Variants in EYS observed in about 807,000 individuals in gnomAD.
The protein encoded by EYS is protein eyes shut homolog.
A neutral mutation model predicts 282.1 loss-of-function variants in EYS; 250 were observed. That is an observed-to-expected ratio of 0.89 (90% confidence interval 0.80 to 0.98). EYS has a LOEUF of 0.98. Among genes scored for constraint, EYS ranks in the 50% least tolerant of loss-of-function variants. The pLI is 0.00. For missense variants in EYS, 4,016 were observed against 3,709.0 expected (o/e 1.08, Z -2.15); for synonymous variants, 1,355 against 1,282.9 (o/e 1.06, Z -1.20).
intron 10 of EYS, among the ~76,000 whole-genome samples, chr6:65,337,500 C>T (rs553129424): frequency 6.6e-6 from 1 of 151,164 alleles, no homozygotes; most frequent in African/African-American, 2.4e-5. Flanking sequence ...TTTTATGACA[C>T]TACTTTATTT....
chr6:64,998,859 A>G (rs1464795810), intron 13 of EYS, among the ~76,000 whole-genome samples: 1 of 152,254 alleles, frequency 6.6e-6, no homozygotes, highest in Non-Finnish European at 1.5e-5. Context: ...TCATAACAAT[A>G]TTTAAAATTA....
chr6:64,672,899 A>G (rs62418017), intron 22 of EYS, among the ~76,000 whole-genome samples: 16,064 of 152,216 alleles, frequency 0.11, 1,002 homozygotes, highest in East Asian at 0.16. Context: ...GGGAAATGAA[A>G]TATTGCCAGC....
In EYS at chr6:65,677,116, A is replaced by T. The variant is rs1464761972; in HGVS notation, c.-448+30019T>A. ...TCACAGTCATTGGTGAAAAAAAAAA[A>T]AAAAAAAAAAAGAAAGAAAGCTTTT... On this transcript the variant is annotated intron_variant, in intron 1 of 42. Coordinates refer to ENST00000503581, the MANE Select transcript of EYS (RefSeq NM_001142800.2). 4.9e-3 allele frequency among the ~76,000 whole-genome samples: 731 copies of T among 150,320 alleles called. 5 individuals carry two copies. The highest frequency in any genetic ancestry group is 0.017 in the African/African-American group (690 of 41,326).
chr6:64,948,545 TA>T (rs1177209273), intron 14 of EYS, among the ~76,000 whole-genome samples: 1 of 142,460 alleles, frequency 7.0e-6, no homozygotes, highest in East Asian at 2.0e-4. Flanking sequence ...AACTGAAATA[TA>T]ATTAATATTA....
intron 22 of EYS, among the ~76,000 whole-genome samples, chr6:64,692,580 T>C (rs1770428301): frequency 6.6e-6 from 1 of 152,178 alleles, no homozygotes. Context: ...TAGGTTGTCT[T>C]CCAGGATTTT....
intron 2 of EYS, among the ~76,000 whole-genome samples, chr6:65,559,943 T>C (rs1768973462): frequency 6.6e-6 from 1 of 151,298 alleles, no homozygotes; most frequent in East Asian, 2.0e-4. Flanking sequence ...TTACTTAAAA[T>C]ACTTTCTAGT....
chr6:64,559,396 G>A (rs889021655), intron 26 of EYS, among the ~76,000 whole-genome samples: 1 of 151,094 alleles, frequency 6.6e-6, no homozygotes, highest in Admixed American at 6.6e-5. Context: ...TCGTCTCAAG[G>A]GATCCTTCCA....
chr6:65,019,960 ATGAGAAC>A (rs1772196455), intron 13 of EYS, among the ~76,000 whole-genome samples: 1 of 152,176 alleles, frequency 6.6e-6, no homozygotes, highest in African/African-American at 2.4e-5. Flanking sequence ...ATCAGATCTT[ATGAGAAC>A]TCAGTCACTA....
chr6:64,332,620 T>A (rs906269093), intron 29 of EYS, among the ~76,000 whole-genome samples: 1 of 152,114 alleles, frequency 6.6e-6, no homozygotes, highest in Admixed American at 6.6e-5. Flanking sequence ...CCAGACCACC[T>A]GACACGGCTG....
At chr6:65,600,679 G>A (rs748656031) in intron 2 of EYS, among the ~76,000 whole-genome samples, 1 of 151,942 alleles carries the variant, frequency 6.6e-6, no homozygotes, top group African/African-American at 2.4e-5. Context: ...ACTGTGTATT[G>A]AAATTGTACC....
intron 5 of EYS, among the ~76,000 whole-genome samples, chr6:65,407,668 T>A (rs1364649782): frequency 6.6e-6 from 1 of 152,040 alleles, no homozygotes; most frequent in Non-Finnish European, 1.5e-5. Context: ...GGGGATTCCT[T>A]AGGATTTTCT....
Position 64,064,611 on chromosome 6 carries a change from G to A in EYS, c.6725+1727C>T, listed in dbSNP as rs371921976. On this transcript the variant is annotated intron_variant, in intron 33 of 42. Coordinates refer to ENST00000503581, the MANE Select transcript of EYS (RefSeq NM_001142800.2). The stretch of plus-strand genomic sequence containing the variant: ...AAAGTCCTTTTCAGTTTTACTGGAA[G>A]CATCAATATTTATTTTACAGGTTGT... Among the ~76,000 whole-genome samples the A allele has an allele frequency of 2.0e-5, 3 of 152,166 alleles. No individual in the cohort carries two copies. The East Asian group carries it at 5.8e-4, about 29-fold the overall frequency.
intron 12 of EYS, among the ~76,000 whole-genome samples, chr6:65,058,612 T>C (rs1561944665): frequency 6.6e-6 from 1 of 150,974 alleles, no homozygotes. Context: ...AACGTAAGCC[T>C]ATATGGAAAG....
chr6:65,617,260 T>C (rs1398656712), intron 2 of EYS, among the ~76,000 whole-genome samples: 1 of 152,120 alleles, frequency 6.6e-6, no homozygotes, highest in Non-Finnish European at 1.5e-5. Context: ...GTTGACAATA[T>C]AACAAGAGCC....
At chr6:65,646,154 C>T (rs1048479920) in intron 1 of EYS, among the ~76,000 whole-genome samples, 4 of 151,892 alleles carry the variant, frequency 2.6e-5, no homozygotes, top group East Asian at 1.9e-4. Context: ...TAAAGAAAGA[C>T]GGAATCCTCC....
chr6:64,650,968 A>C (rs1404545500), intron 22 of EYS, among the ~76,000 whole-genome samples: 1 of 152,100 alleles, frequency 6.6e-6, no homozygotes, highest in East Asian at 1.9e-4. Flanking sequence ...TAGAAGAATA[A>C]ATACAACCTT....
intron 36 of EYS, among the ~76,000 whole-genome samples, chr6:63,853,526 A>G (rs1276319365): frequency 6.6e-6 from 1 of 152,210 alleles, no homozygotes; most frequent in Non-Finnish European, 1.5e-5. Context: ...CATAGATAGG[A>G]AGAATCAATG....
At chr6:65,453,808 C>T (rs1197857260) in intron 5 of EYS, among the ~76,000 whole-genome samples, 1 of 151,950 alleles carries the variant, frequency 6.6e-6, no homozygotes, top group African/African-American at 2.4e-5. Flanking sequence ...GCTTCTTTCA[C>T]TTAACATGAT....
At chr6:65,649,538 TAA>T (rs2149817844) in intron 1 of EYS, among the ~76,000 whole-genome samples, 1 of 152,260 alleles carries the variant, frequency 6.6e-6, no homozygotes, top group East Asian at 1.9e-4. Flanking sequence ...TTTCATAAGA[TAA>T]GTTTGATGCC....
Sources: gnomAD v4.1 joint callset for allele counts (sites outside exome capture counted in the v4.1 genomes callset) on GRCh38, gnomAD v4.1.1 for gene constraint, MANE v1.5 for transcripts, NCBI Gene and HGNC (gene_info 2026-07-23, HGNC 2026-07-21) for gene names.